Variants in GALNT17 observed in about 807,000 individuals in gnomAD.
GALNT17 encodes the protein UDP-GalNAc:polypeptide N-acetylgalactosaminyltransferase-like 3.
In GALNT17, 29 loss-of-function variants were observed where a neutral mutation model predicts 63.7. That is an observed-to-expected ratio of 0.46 (90% CI 0.34 to 0.62). The LOEUF (loss-of-function observed/expected upper bound fraction) is 0.62, where lower values mean the gene tolerates loss of function less well. Ranked by LOEUF, GALNT17 falls within the 20% of genes least tolerant of loss-of-function variation. The pLI is 0.01. For missense variants in GALNT17, 603 were observed against 799.6 expected, an observed-to-expected ratio of 0.75 and a Z score of 2.97; for synonymous variants, 305 against 318.3, an observed-to-expected ratio of 0.96 and a Z score of 0.45.
intron 5 of GALNT17, among the ~76,000 whole-genome samples, chr7:71,460,502 A>T (rs566723539): frequency 6.6e-6 from 1 of 152,312 alleles, no homozygotes; most frequent in South Asian, 2.1e-4. Flanking sequence ...CATATAATGG[A>T]GTTTGAGACC....
chr7:71,372,367 G>A (rs536369073), intron 2 of GALNT17, among the ~76,000 whole-genome samples: 1 of 152,112 alleles, frequency 6.6e-6, no homozygotes, highest in East Asian at 1.9e-4. Flanking sequence ...GTTTTGCCAT[G>A]TTGGACAGGC....
At chr7:71,696,957 G>A (rs1791555034) in intron 9 of GALNT17, among the ~76,000 whole-genome samples, 1 of 152,160 alleles carries the variant, frequency 6.6e-6, no homozygotes, top group South Asian at 2.1e-4. Flanking sequence ...ACGAGATTAT[G>A]TAAGTTGGAA....
intron 1 of GALNT17, among the ~76,000 whole-genome samples, chr7:71,195,899 A>G (rs1034503604): frequency 2.0e-5 from 3 of 151,900 alleles, no homozygotes; most frequent in African/African-American, 7.3e-5. Flanking sequence ...CTATAAGCCA[A>G]TGTTTCTTGA....
At chr7:71,179,396 C>T (rs1486019448) in intron 1 of GALNT17, among the ~76,000 whole-genome samples, 1 of 152,188 alleles carries the variant, frequency 6.6e-6, no homozygotes, top group Non-Finnish European at 1.5e-5. Flanking sequence ...CCAAACTGTG[C>T]TCTGACCACC....
intron 1 of GALNT17, among the ~76,000 whole-genome samples, chr7:71,215,269 T>C (rs1409071999): frequency 6.6e-6 from 1 of 152,218 alleles, no homozygotes; most frequent in East Asian, 1.9e-4. Flanking sequence ...ACATAATGAA[T>C]TTTCACTGAT....
chr7:71,520,287 G>A (rs1245648194), intron 5 of GALNT17, among the ~76,000 whole-genome samples: 1 of 152,130 alleles, frequency 6.6e-6, no homozygotes. Context: ...ACTTTGGGAG[G>A]CCGAGGTGAG....
intron 5 of GALNT17, among the ~76,000 whole-genome samples, chr7:71,425,102 A>G (rs916081158): frequency 6.6e-6 from 1 of 152,154 alleles, no homozygotes; most frequent in African/African-American, 2.4e-5. Flanking sequence ...GGCAAGTGCC[A>G]TTAAAGAGGG....
At chr7:71,617,965 C>T (rs1790239388) in intron 6 of GALNT17, among the ~76,000 whole-genome samples, 1 of 151,886 alleles carries the variant, frequency 6.6e-6, no homozygotes, top group Non-Finnish European at 1.5e-5. Context: ...GTTTTTTTAA[C>T]CCACCCCCTG....
At chr7:71,390,233 G>T (rs1428261190) in intron 3 of GALNT17, among the ~76,000 whole-genome samples, 2 of 152,186 alleles carry the variant, frequency 1.3e-5, no homozygotes, top group African/African-American at 4.8e-5. Flanking sequence ...AGATGGTGAG[G>T]AGGAGGCAAT....
intron 6 of GALNT17, among the ~76,000 whole-genome samples, chr7:71,608,661 C>T (rs1317302214): frequency 6.6e-6 from 1 of 152,038 alleles, no homozygotes; most frequent in Non-Finnish European, 1.5e-5. Flanking sequence ...TAGTCAGGTA[C>T]CAGTGGAGAG....
intron 2 of GALNT17, among the ~76,000 whole-genome samples, chr7:71,377,894 G>T (rs959182212): frequency 1.3e-5 from 2 of 152,162 alleles, no homozygotes; most frequent in Admixed American, 1.3e-4. Context: ...TGCTATGATT[G>T]TAAGTTTCCT....
At chr7:71,674,924 G>A (rs1223666698) in intron 8 of GALNT17, among the ~76,000 whole-genome samples, 1 of 152,154 alleles carries the variant, frequency 6.6e-6, no homozygotes, top group African/African-American at 2.4e-5. Context: ...AGTGGTTCAC[G>A]CCTGTATTTC....
At chr7:71,301,765 A>T (rs979050756) in intron 1 of GALNT17, among the ~76,000 whole-genome samples, 1 of 152,180 alleles carries the variant, frequency 6.6e-6, no homozygotes, top group Non-Finnish European at 1.5e-5. Flanking sequence ...ACTAAACGAA[A>T]ATGAAATAAA....
intron 5 of GALNT17, among the ~76,000 whole-genome samples, chr7:71,561,688 T>C (rs1361068169): frequency 1.3e-5 from 2 of 151,942 alleles, no homozygotes; most frequent in Admixed American, 6.6e-5. Context: ...GACCAACGGG[T>C]GGCTGGGGTC....
chr7:71,613,397 G>A (rs1790153044), intron 6 of GALNT17, among the ~76,000 whole-genome samples: 2 of 152,170 alleles, frequency 1.3e-5, no homozygotes, highest in African/African-American at 4.8e-5. Context: ...TTGTCAGACA[G>A]CAAAGAAACA....
intron 1 of GALNT17, among the ~76,000 whole-genome samples, chr7:71,326,386 T>C (rs768656927): frequency 1.3e-5 from 2 of 150,420 alleles, no homozygotes; most frequent in Non-Finnish European, 2.9e-5. Context: ...TCGAGCCCAG[T>C]AGCTCAAGGC....
At chr7:71,186,255 C>T (rs148466363) in intron 1 of GALNT17, among the ~76,000 whole-genome samples, 1 of 152,332 alleles carries the variant, frequency 6.6e-6, no homozygotes, top group East Asian at 1.9e-4. Flanking sequence ...CTCTACTCCC[C>T]TTTCCCCTTT....
intron 8 of GALNT17, among the ~76,000 whole-genome samples, chr7:71,674,923 C>T (rs1326378498): frequency 6.6e-6 from 1 of 152,180 alleles, no homozygotes; most frequent in African/African-American, 2.4e-5. Context: ...CAGTGGTTCA[C>T]GCCTGTATTT....
chr7:71,538,220 A>G (rs969161832), intron 5 of GALNT17, among the ~76,000 whole-genome samples: 1 of 152,210 alleles, frequency 6.6e-6, no homozygotes, highest in African/African-American at 2.4e-5. Flanking sequence ...GATGAAAGAG[A>G]AAATTCTAAA....
Sources: allele counts gnomAD v4.1 joint callset (sites outside exome capture counted in the v4.1 genomes callset), GRCh38; gene constraint gnomAD v4.1.1; transcripts MANE v1.5; gene names NCBI Gene and HGNC (gene_info 2026-07-23, HGNC 2026-07-21).